Variants in XIRP2 observed in about 807,000 individuals in gnomAD.
The protein encoded by XIRP2 is xin actin-binding repeat-containing protein 2.
XIRP2 carries 236 observed loss-of-function variants against 277.0 expected under a neutral mutation model. The ratio of observed to expected loss-of-function variants is 0.85; its 90% CI spans 0.77 to 0.95. The LOEUF (loss-of-function observed/expected upper bound fraction) is 0.95. Among genes scored for constraint, XIRP2 ranks in the 40% least tolerant of loss-of-function variants. The pLI is 0.00. For synonymous variants in XIRP2, 1,490 were observed against 1,416.5 expected (o/e 1.05, Z -1.17); for missense variants, 4,640 against 4,157.5 (o/e 1.12, Z -3.19).
intron 2 of XIRP2, among the ~76,000 whole-genome samples, chr2:166,912,566 G>T (rs545842772): frequency 6.6e-6 from 1 of 152,252 alleles, no homozygotes; most frequent in African/African-American, 2.4e-5. Context: ...TCCTCCTCTA[G>T]CTTGGAGAAG....
chr2:167,208,061 A>G (rs1693911197), intron 3 of XIRP2, among the ~76,000 whole-genome samples: 1 of 152,178 alleles, frequency 6.6e-6, no homozygotes, highest in African/African-American at 2.4e-5. Flanking sequence ...CCATTAACTC[A>G]AGATTTGGGA....
intron 2 of XIRP2, among the ~76,000 whole-genome samples, chr2:166,942,481 A>C (rs759963604): frequency 6.6e-6 from 1 of 152,226 alleles, no homozygotes; most frequent in Non-Finnish European, 1.5e-5. Flanking sequence ...AACTGCGGGC[A>C]GTCCAAGCAC....
At position 167,250,819 on chromosome 2, in the gene XIRP2, C is replaced by CA. The variant is rs1182352455; in HGVS notation, c.9428dup (p.Ser3144ValfsTer3). 6.2e-6 allele frequency: 10 copies of CA among 1,613,586 alleles called. No individual in the cohort carries two copies. The highest frequency in any genetic ancestry group is 8.5e-6 in the Non-Finnish European group (10 of 1,179,740). The stretch of plus-strand genomic sequence containing the variant: ...AAACCCTACTAAGAACGAGCTTTCT[C>CA]AGTCCCCTAAAAAGGACAGTTATGT... On this transcript the variant is annotated frameshift_variant, in exon 9 of 11. Transcript: ENST00000409195. LOFTEE classifies it high-confidence loss of function.
rs964199968 is a variant in XIRP2 at position 167,142,950 on chromosome 2, G to A, written c.562+6888G>A. On this transcript the variant is annotated intron_variant, in intron 3 of 10. Transcript: ENST00000409195. ...GAAAGGAAGGAGGAAGGGAAGGAGG[G>A]AAGGATGAAGGGAGAGAGAAAAAGA... 5.3e-5 allele frequency among the ~76,000 whole-genome samples: 8 copies of A among 152,172 alleles called. No homozygotes were observed. The East Asian group carries it at 1.5e-3, about 29-fold the overall frequency.
At position 166,915,124 on chromosome 2, in the gene XIRP2, C is replaced by A. The variant is rs528814506; in HGVS notation, c.408+11234C>A. On this transcript the variant is annotated intron_variant, in intron 2 of 10. Transcript: ENST00000409195. Reference sequence around the variant, plus strand: ...CATCCTGGCTAACACGATGCAACCACGTCTAGACTAAAAATACAAAAAAAA... The same window carrying A: ...CATCCTGGCTAACACGATGCAACCAAGTCTAGACTAAAAATACAAAAAAAA... Among the ~76,000 whole-genome samples the A allele has an allele frequency of 4.0e-4, 61 of 151,174 alleles. 1 individual carries two copies. In the Middle Eastern group the frequency reaches 0.01, roughly 25 times the overall value.
chr2:167,029,159 A>G (rs757862533), intron 2 of XIRP2, among the ~76,000 whole-genome samples: 2 of 152,038 alleles, frequency 1.3e-5, no homozygotes, highest in Non-Finnish European at 1.5e-5. Flanking sequence ...TTGTTCAAGA[A>G]CAACTTGACT....
At chr2:166,963,286 C>G (rs905914591) in intron 2 of XIRP2, among the ~76,000 whole-genome samples, 5 of 151,664 alleles carry the variant, frequency 3.3e-5, no homozygotes, top group Non-Finnish European at 7.4e-5. Context: ...ATTTATTTAG[C>G]AGTCCTTTTA....
intron 2 of XIRP2, among the ~76,000 whole-genome samples, chr2:167,132,829 C>A (rs1691425396): frequency 6.6e-6 from 1 of 152,160 alleles, no homozygotes; most frequent in South Asian, 2.1e-4. Context: ...ATACAGGGCT[C>A]TCTCTCACTG....
rs1289880567 is a variant in XIRP2, at chr2:167,244,064, C to G, written c.2672C>G (p.Pro891Arg). The change falls in exon 9 of 11, where the codon CCT (proline) becomes CGT (arginine). Residue 891 changes from proline (P) to arginine (R), a missense_variant. Transcript: ENST00000409195. ...TLPIEALKDS[P>R]DIGKLQKITA... Reference sequence around the variant, plus strand: ...CCAATTGAAGCATTAAAAGACAGTCCTGATATAGGAAAGCTTCAAAAAATC... The same window carrying G: ...CCAATTGAAGCATTAAAAGACAGTCGTGATATAGGAAAGCTTCAAAAAATC... 1 of 1,613,684 alleles carries G rather than the reference C, an allele frequency of 6.2e-7. No individual in the cohort carries two copies. Among genetic ancestry groups the G allele is most frequent in the Admixed American group, 1.7e-5 (1 of 59,990 alleles).
intron 2 of XIRP2, among the ~76,000 whole-genome samples, chr2:166,971,908 C>G (rs1443023915): frequency 6.6e-6 from 1 of 152,020 alleles, no homozygotes; most frequent in Admixed American, 6.6e-5. Context: ...TTTCATGTCA[C>G]TTTTAGATAC....
intron 3 of XIRP2, among the ~76,000 whole-genome samples, chr2:167,136,478 T>A (rs73970862): frequency 0.037 from 5,616 of 152,212 alleles, 361 homozygotes; most frequent in African/African-American, 0.13. Flanking sequence ...GCCTTAAGCA[T>A]CTCCTTTTCA....
At chr2:167,127,295 A>G (rs1691235445) in intron 2 of XIRP2, among the ~76,000 whole-genome samples, 1 of 151,818 alleles carries the variant, frequency 6.6e-6, no homozygotes, top group Non-Finnish European at 1.5e-5. Context: ...CATAAGGTAG[A>G]GTTGTGCATC....
chr2:167,134,658 A>G (rs548590880), intron 2 of XIRP2, among the ~76,000 whole-genome samples: 135 of 152,302 alleles, frequency 8.9e-4, no homozygotes, highest in African/African-American at 3.1e-3. Flanking sequence ...AACCCTACAT[A>G]TACTCTGTCT....
chr2:167,034,830 G>C (rs1396935408), intron 2 of XIRP2, among the ~76,000 whole-genome samples: 1 of 152,174 alleles, frequency 6.6e-6, no homozygotes, highest in East Asian at 1.9e-4. Context: ...ATATGGTTTG[G>C]CTGTGTCCCC....
rs2105447023 is a variant in XIRP2 at position 167,250,103 on chromosome 2, T to C, written c.8711T>C (p.Ile2904Thr). The change falls in exon 9 of 11, where the codon ATA (isoleucine) becomes ACA (threonine). Residue 2904 changes from isoleucine to threonine, a missense_variant. Coordinates refer to ENST00000409195, the MANE Select transcript of XIRP2 (RefSeq NM_152381.6). ...QEEKCLEVKG[I>T]QEKQVFSNTK... The stretch of plus-strand genomic sequence containing the variant: ...GAAAAATGTCTCGAAGTCAAGGGCA[T>C]ACAAGAGAAACAAGTCTTCTCTAAT... 1 of 1,613,372 alleles carries C rather than the reference T, an allele frequency of 6.2e-7. No individual in the cohort carries two copies. The highest frequency in any genetic ancestry group is 8.5e-7 in the Non-Finnish European group (1 of 1,179,650).
At chr2:166,913,384 G>A (rs6712694) in intron 2 of XIRP2, among the ~76,000 whole-genome samples, 30,653 of 150,674 alleles carry the variant, frequency 0.2, 4,366 homozygotes, top group African/African-American at 0.4. Context: ...GTGAGGCTCC[G>A]TGGGCGTGGG....
intron 2 of XIRP2, among the ~76,000 whole-genome samples, chr2:166,909,525 G>A (rs975737648): frequency 1.1e-4 from 17 of 152,260 alleles, no homozygotes; most frequent in East Asian, 5.8e-4. Context: ...GGCTGAGACA[G>A]TGGGGTTTTC....
chr2:167,164,164 GGC>G (rs1692453766), intron 3 of XIRP2, among the ~76,000 whole-genome samples: 1 of 152,124 alleles, frequency 6.6e-6, no homozygotes. Flanking sequence ...GAATTGGCCG[GGC>G]GCAGCGGCTC....
Position 167,248,957 on chromosome 2 carries a change from A to G in XIRP2, c.7565A>G (p.His2522Arg), listed in dbSNP as rs1365096227. 4 of 1,613,820 alleles carry G rather than the reference A, an allele frequency of 2.5e-6. No homozygotes were observed. Among genetic ancestry groups the G allele is most frequent in the Non-Finnish European group, 3.4e-6 (4 of 1,179,820 alleles). Residue 2522 changes from histidine to arginine, a missense_variant, in exon 9 of 11, where the codon CAT becomes CGT. Physicochemically the swap from His to Arg is conservative, Grantham distance 29. Coordinates refer to ENST00000409195, the MANE Select transcript of XIRP2 (RefSeq NM_152381.6). ...CAGATTGCGCCTCTTATAAAATCTC[A>G]TTCATTTCCAGAGAGTTCAGGACAA... is the stretch of plus-strand genomic sequence containing the variant. ...KKQIAPLIKS[H>R]SFPESSGQQN... is the part of the protein sequence containing the mutation.
Sources: gnomAD v4.1 joint callset for allele counts (sites outside exome capture counted in the v4.1 genomes callset) on GRCh38, gnomAD v4.1.1 for gene constraint, MANE v1.5 for transcripts, NCBI Gene and HGNC (gene_info 2026-07-23, HGNC 2026-07-21) for gene names.